Variants in ZNF831 observed in about 807,000 individuals in gnomAD.
ZNF831 encodes the protein chromosome 20 open reading frame 174.
Under a neutral mutation model 95.8 loss-of-function variants are expected in ZNF831, and 59 were observed. The observed-to-expected ratio is 0.62, with a 90% CI of 0.50 to 0.77. ZNF831 has a LOEUF of 0.77. ZNF831 is among the 30% of genes least tolerant of loss of function. The pLI, the probability that ZNF831 is intolerant of heterozygous loss-of-function variation, is 0.00. For synonymous variants in ZNF831, 961 were observed against 925.5 expected, an observed-to-expected ratio of 1.04 and a Z score of -0.70; for missense variants, 2,205 against 2,164.0, an observed-to-expected ratio of 1.02 and a Z score of -0.38.
Position 59,178,919 on chromosome 20 carries a change from C to T in ZNF831, c.-36-12065C>T, listed in dbSNP as rs765970912. On this transcript the variant is annotated intron_variant, in intron 1 of 5. Transcript: ENST00000371030. ...GGGATTTGGGTCGTCCTCCAGAGCC[C>T]GCTCTCTTTTAAACACTCTATCAAA... Among the ~76,000 whole-genome samples, 8 of 152,272 alleles carry T rather than the reference C, an allele frequency of 5.3e-5. No homozygotes were observed. In the South Asian group the frequency reaches 6.2e-4, roughly 12 times the overall value.
At chr20:59,149,778 G>T (rs1209031146) in intron 2 of ZNF831, among the ~76,000 whole-genome samples, 2 of 152,116 alleles carry the variant, frequency 1.3e-5, no homozygotes, top group Non-Finnish European at 2.9e-5. Flanking sequence ...TGCCCTGAGG[G>T]CCCCAGGGAA....
At chr20:59,126,890 C>T (rs1168347681) in intron 1 of ZNF831, among the ~76,000 whole-genome samples, 1 of 152,182 alleles carries the variant, frequency 6.6e-6, no homozygotes, top group Non-Finnish European at 1.5e-5. Flanking sequence ...CTGCAGGACC[C>T]GTTCCTCCCT....
intron 2 of ZNF831, among the ~76,000 whole-genome samples, chr20:59,157,887 A>G (rs906274685): frequency 1.2e-4 from 19 of 152,328 alleles, no homozygotes; most frequent in Middle Eastern, 3.4e-3. Flanking sequence ...AACTCCTTAC[A>G]TAAGAAACTT....
intron 1 of ZNF831, among the ~76,000 whole-genome samples, chr20:59,187,186 A>T (rs965259474): frequency 6.6e-6 from 1 of 152,170 alleles, no homozygotes; most frequent in African/African-American, 2.4e-5. Context: ...AGCTCTGAGT[A>T]TGTAGGAGCT....
At chr20:59,200,820 C>T (rs1362040574) in intron 3 of ZNF831, among the ~76,000 whole-genome samples, 1 of 151,774 alleles carries the variant, frequency 6.6e-6, no homozygotes, top group Non-Finnish European at 1.5e-5. Flanking sequence ...GAACACATTC[C>T]TTCTTATTGC....
At chr20:59,248,598 A>G (rs1330981809) in intron 4 of ZNF831, among the ~76,000 whole-genome samples, 2 of 152,162 alleles carry the variant, frequency 1.3e-5, no homozygotes, top group East Asian at 3.9e-4. Flanking sequence ...TTGGGAAGAC[A>G]TTTGGCCAAT....
chr20:59,167,907 C>A (rs1374344978), intron 1 of ZNF831, among the ~76,000 whole-genome samples: 1 of 150,770 alleles, frequency 6.6e-6, no homozygotes, highest in Non-Finnish European at 1.5e-5. Context: ...TATATTTGTG[C>A]AGATTGATTT....
At chr20:59,178,670 A>G (rs1354411439) in intron 1 of ZNF831, among the ~76,000 whole-genome samples, 1 of 152,240 alleles carries the variant, frequency 6.6e-6, no homozygotes, top group Non-Finnish European at 1.5e-5. Context: ...TTACTTTTCC[A>G]TAGCTGATCG....
chr20:59,235,949 A>C (rs950057161), intron 4 of ZNF831, among the ~76,000 whole-genome samples: 1 of 152,184 alleles, frequency 6.6e-6, no homozygotes, highest in Non-Finnish European at 1.5e-5. Context: ...TTTCCAAGGT[A>C]AATAGACTAA....
chr20:59,161,438 C>A (rs558546619), upstream of ZNF831, among the ~76,000 whole-genome samples: 1 of 151,992 alleles, frequency 6.6e-6, no homozygotes, highest in Admixed American at 6.6e-5. Context: ...CCACCACACC[C>A]GGCTAATTTT....
chr20:59,194,587 CGCA>C lies in ZNF831; in HGVS notation c.3570_3572del (p.Ser1191del). On this transcript the variant is annotated inframe_deletion, in exon 2 of 6. Transcript: ENST00000371030. ...GCGGCTCACGTGGTGTTGCCTGAGC[CGCA>C]GTGTCCCTCTGCCCGCGGAGCAGAA... is the stretch of plus-strand genomic sequence containing the variant. 1 of 1,610,500 alleles carries C rather than the reference CGCA, an allele frequency of 6.2e-7. No individual in the cohort carries two copies. The highest frequency in any genetic ancestry group is 8.5e-7 in the Non-Finnish European group (1 of 1,178,154).
At chr20:59,211,975 A>C (rs1348082522) in intron 4 of ZNF831, among the ~76,000 whole-genome samples, 1 of 129,666 alleles carries the variant, frequency 7.7e-6, no homozygotes, top group Non-Finnish European at 1.7e-5. Flanking sequence ...GTGTAGGTGG[A>C]GGTGGGTGGG....
chr20:59,153,895 T>A (rs1485278417), intron 2 of ZNF831, among the ~76,000 whole-genome samples: 3 of 152,222 alleles, frequency 2.0e-5, no homozygotes, highest in African/African-American at 7.2e-5. Flanking sequence ...CATGGTCTGA[T>A]GAGAAAGCCT....
chr20:59,181,553 A>G (rs1314420001), intron 1 of ZNF831, among the ~76,000 whole-genome samples: 1 of 152,136 alleles, frequency 6.6e-6, no homozygotes, highest in Non-Finnish European at 1.5e-5. Context: ...TATAATGTGT[A>G]AGGAAGGGGT....
At chr20:59,195,040 A>G (rs1339352514) in intron 2 of ZNF831, among the ~76,000 whole-genome samples, 1 of 152,274 alleles carries the variant, frequency 6.6e-6, no homozygotes, top group Non-Finnish European at 1.5e-5. Flanking sequence ...TGTAAAATTT[A>G]ACTGAGCTTC....
intron 1 of ZNF831, among the ~76,000 whole-genome samples, chr20:59,178,381 A>T (rs1982336887): frequency 1.3e-5 from 2 of 152,242 alleles, no homozygotes; most frequent in African/African-American, 4.8e-5. Context: ...TCTTCAGAGG[A>T]GTTTCACATA....
intron 1 of ZNF831, among the ~76,000 whole-genome samples, chr20:59,132,440 T>C (rs1246461627): frequency 6.6e-6 from 1 of 152,232 alleles, no homozygotes; most frequent in African/African-American, 2.4e-5. Context: ...GAAAGTTTAC[T>C]ATTTCACATG....
intron 4 of ZNF831, among the ~76,000 whole-genome samples, chr20:59,220,211 A>G (rs1019447220): frequency 6.6e-6 from 1 of 152,226 alleles, no homozygotes; most frequent in Non-Finnish European, 1.5e-5. Flanking sequence ...CCAGTAGCCA[A>G]ATAGAATCAG....
In ZNF831 at chr20:59,132,272, T is replaced by C. The variant is rs547112354; in HGVS notation, c.-1425+8767T>C. Reference sequence around the variant, plus strand: ...ATAATTTAGTTGCTCAAGTTTCTTCTTGTTGGAGGTTTAACTCTTTTTTTT... The same window carrying C: ...ATAATTTAGTTGCTCAAGTTTCTTCCTGTTGGAGGTTTAACTCTTTTTTTT... On this transcript the variant is annotated intron_variant, in intron 1 of 7. Transcript: ENST00000637017. Among the ~76,000 whole-genome samples, 15 of 149,076 alleles carry C rather than the reference T, an allele frequency of 1.0e-4. No individual in the cohort carries two copies. The East Asian group carries it at 3.0e-3, about 30-fold the overall frequency.
Sources: allele counts gnomAD v4.1 joint callset (sites outside exome capture counted in the v4.1 genomes callset), GRCh38; gene constraint gnomAD v4.1.1; transcripts MANE v1.5; gene names NCBI Gene and HGNC (gene_info 2026-07-23, HGNC 2026-07-21).